The following TRAF5 variants were observed in gnomAD, a reference collection of about 807,000 sequenced individuals.
The protein encoded by TRAF5 is TNF receptor associated factor 5.
A neutral mutation model predicts 64.5 loss-of-function variants in TRAF5; 48 were observed. The observed-to-expected ratio is 0.74, with a 90% confidence interval of 0.59 to 0.95. The LOEUF (loss-of-function observed/expected upper bound fraction) is 0.95. Ranked by LOEUF, TRAF5 falls within the 40% of genes least tolerant of loss-of-function variation. TRAF5 has a pLI of 0.00. For synonymous variants in TRAF5, 206 were observed against 240.5 expected (o/e 0.86, Z 1.33); for missense variants, 545 against 662.8 (o/e 0.82, Z 1.95).
chr1:211,345,721 A>G (rs894085891), intron 1 of TRAF5, among the ~76,000 whole-genome samples: 2 of 152,190 alleles, frequency 1.3e-5, no homozygotes, highest in African/African-American at 4.8e-5. Context: ...TGAGAAATGG[A>G]CAGTTTGCCT....
At chr1:211,368,441 G>A (rs1703422335) in intron 8 of TRAF5, among the ~76,000 whole-genome samples, 1 of 152,118 alleles carries the variant, frequency 6.6e-6, no homozygotes, top group Non-Finnish European at 1.5e-5. Flanking sequence ...CAGTTGCTGG[G>A]GTCATAGTGG....
chr1:211,338,463 C>T (rs895576748), intron 1 of TRAF5, among the ~76,000 whole-genome samples: 31 of 152,146 alleles, frequency 2.0e-4, no homozygotes, highest in African/African-American at 6.3e-4. Context: ...TACAATAGGG[C>T]GCAGACTTTG....
chr1:211,354,610 G>A, intron 3 of TRAF5, 143 bp downstream of exon 3: 1 of 798,652 alleles, frequency 1.3e-6, no homozygotes, highest in Non-Finnish European at 2.0e-6. Context: ...GGTCACATCA[G>A]ACCCTACTCG....
chr1:211,357,493 C>G (rs1191491831), intron 4 of TRAF5: 1 of 152,130 alleles, frequency 6.6e-6, no homozygotes, highest in Non-Finnish European at 1.5e-5. Flanking sequence ...TCAAATGGAC[C>G]ATTGAACAGC....
chr1:211,341,314 C>A (rs891060164), intron 1 of TRAF5, among the ~76,000 whole-genome samples: 2 of 151,962 alleles, frequency 1.3e-5, no homozygotes, highest in Admixed American at 6.6e-5. Flanking sequence ...AACACAGAAC[C>A]CTAGGGCCAA....
rs1171858470 is a variant in TRAF5 at position 211,360,056 on chromosome 1, G to A, written c.523G>A (p.Val175Met). The A allele has an allele frequency of 6.2e-7, 1 of 1,614,180 alleles. No individual in the cohort carries two copies. The highest frequency in any genetic ancestry group is 1.1e-5 in the South Asian group (1 of 91,074). ...AAAATGCCTTTATTGCAAAAAGGAT[G>A]TGGTAGTCATCAATCTACAGGTGAA... ...KEKCLYCKKD[V>M]VVINLQNHEE... The change falls in exon 5 of 11, where the codon GTG (valine) becomes ATG (methionine). Residue 175 changes from valine to methionine, a missense_variant. Transcript: ENST00000261464.
At chr1:211,341,840 A>T (rs1258849058) in intron 1 of TRAF5, among the ~76,000 whole-genome samples, 1 of 152,232 alleles carries the variant, frequency 6.6e-6, no homozygotes, top group Non-Finnish European at 1.5e-5. Flanking sequence ...GAATCAATAA[A>T]TGTTTAGCGC....
At chr1:211,368,322 T>C (rs1703419551) in intron 8 of TRAF5, among the ~76,000 whole-genome samples, 1 of 152,116 alleles carries the variant, frequency 6.6e-6, no homozygotes, top group South Asian at 2.1e-4. Context: ...CTGGTCACAG[T>C]AAGGAGTACA....
intron 1 of TRAF5, among the ~76,000 whole-genome samples, chr1:211,342,224 C>T (rs1702466249): frequency 6.6e-6 from 1 of 152,152 alleles, no homozygotes; most frequent in Non-Finnish European, 1.5e-5. Context: ...GATGGGCCAA[C>T]CCCTGATGTA....
At chr1:211,348,660 T>C (rs1465986029) in intron 1 of TRAF5, among the ~76,000 whole-genome samples, 2 of 152,114 alleles carry the variant, frequency 1.3e-5, no homozygotes, top group Non-Finnish European at 2.9e-5. Context: ...TTGTGAAGGG[T>C]GTCAGGTCTG....
chr1:211,361,975 C>T (rs529299017), intron 7 of TRAF5, among the ~76,000 whole-genome samples: 2 of 151,988 alleles, frequency 1.3e-5, no homozygotes, highest in East Asian at 3.9e-4. Context: ...GGGATTACAG[C>T]ACCGTGCCTG....
chr1:211,336,911 G>C (rs925881115), intron 1 of TRAF5, among the ~76,000 whole-genome samples: 1 of 152,128 alleles, frequency 6.6e-6, no homozygotes, highest in African/African-American at 2.4e-5. Context: ...CGCTCACCTC[G>C]GCCTTCCAAA....
chr1:211,365,089 C>T (rs1187501493), intron 7 of TRAF5, among the ~76,000 whole-genome samples: 1 of 151,974 alleles, frequency 6.6e-6, no homozygotes, highest in Non-Finnish European at 1.5e-5. Flanking sequence ...ACAAGAATCG[C>T]TTGAACCCGA....
chr1:211,333,442 C>A (rs116707297), intron 1 of TRAF5, among the ~76,000 whole-genome samples: 7,945 of 152,104 alleles, frequency 0.052, 254 homozygotes, highest in African/African-American at 0.091. Context: ...ACTCCCCCCC[C>A]ACTCCCCACT....
intron 7 of TRAF5, 127 bp downstream of exon 7, chr1:211,361,289 AT>A: frequency 1.3e-6 from 1 of 776,892 alleles, no homozygotes; most frequent in Non-Finnish European, 2.1e-6. Context: ...AAGGCTAATT[AT>A]TTTAGAGTTC....
chr1:211,336,158 G>A (rs1465734555), intron 1 of TRAF5, among the ~76,000 whole-genome samples: 1 of 152,188 alleles, frequency 6.6e-6, no homozygotes, highest in Non-Finnish European at 1.5e-5. Flanking sequence ...AAAGGACTCT[G>A]GCAAATGGGA....
chr1:211,351,669 C>T (rs1020072845), intron 1 of TRAF5, among the ~76,000 whole-genome samples: 4 of 151,978 alleles, frequency 2.6e-5, no homozygotes, highest in South Asian at 2.1e-4. Context: ...TGTCTAGCTT[C>T]GTTTTCTGAT....
At chr1:211,332,288 A>C (rs6698191) in intron 1 of TRAF5, among the ~76,000 whole-genome samples, 139,982 of 152,282 alleles carry the variant, frequency 0.92, 64,590 homozygotes, top group Middle Eastern at 0.98. Flanking sequence ...CTGGCTTGAT[A>C]GCCAGGAGCA....
At chr1:211,350,607 T>C (rs1702757758) in intron 1 of TRAF5, among the ~76,000 whole-genome samples, 1 of 152,158 alleles carries the variant, frequency 6.6e-6, no homozygotes, top group South Asian at 2.1e-4. Context: ...ATCCTGGCTA[T>C]AGTATGGAGA....
Sources: allele counts gnomAD v4.1 joint callset (sites outside exome capture counted in the v4.1 genomes callset), GRCh38; gene constraint gnomAD v4.1.1; transcripts MANE v1.5; gene names NCBI Gene and HGNC (gene_info 2026-07-23, HGNC 2026-07-21).